CCL15: variants seen among roughly 807,000 people sequenced by gnomAD.
CCL15 encodes the protein C-C motif chemokine 15.
A neutral mutation model predicts 10.6 loss-of-function variants in CCL15; 8 were observed. That is an observed-to-expected ratio of 0.75 (90% confidence interval 0.44 to 1.36). The LOEUF is 1.36. CCL15 is among the 40% of genes most tolerant of loss of function. The probability of loss-of-function intolerance (pLI) is 0.00; values close to 1 mark genes in which losing one functional copy is unlikely to be tolerated. For missense variants in CCL15, 128 were observed against 136.6 expected (o/e 0.94, Z 0.32); for synonymous variants, 51 against 48.8 (o/e 1.04, Z -0.19).
At position 35,998,198 on chromosome 17, in the gene CCL15, G is replaced by C. The variant is rs930622397; in HGVS notation, c.248+82C>G. ...AGGATCCAGAGGGTGGAACCCGATG[G>C]ACGCCCATCCGTCGTGTCCTCCCTG... is the stretch of plus-strand genomic sequence containing the variant. On this transcript the variant is annotated intron_variant, in intron 3 of 3. Coordinates refer to ENST00000617897, the MANE Select transcript of CCL15 (RefSeq NM_032965.6). The C allele has an allele frequency of 4.6e-6, 4 of 875,516 alleles. No individual in the cohort carries two copies. In the South Asian group the frequency reaches 5.8e-5, roughly 13 times the overall value. 54.2% of individuals were successfully genotyped at this position (875,516 alleles called of 1,614,324 possible). A position where few individuals can be genotyped will look rare whatever the true frequency, so the allele number is the denominator to read the frequency against.
Position 35,997,724 on chromosome 17 carries a change from A to G in CCL15, c.*43T>C. 8.7e-7 allele frequency: 1 copy of G among 1,143,192 alleles called. No individual in the cohort carries two copies. The highest frequency in any genetic ancestry group is 1.3e-6 in the Non-Finnish European group (1 of 751,604). The allele number at this position is 1,143,192 out of a possible 1,614,324, so 70.8% of individuals were successfully genotyped here. A position where few individuals can be genotyped will look rare whatever the true frequency, so the allele number is the denominator to read the frequency against. ...TATTTCAGACCAAGAAACTCACAGG[A>G]GGTGTTGGAGGTGGGTGGCTGGCCT... On this transcript the variant is annotated 3_prime_UTR_variant, in exon 4 of 4. Coordinates refer to ENST00000617897, the MANE Select transcript of CCL15 (RefSeq NM_032965.6).
chr17:35,998,516 C>A (rs1175076617), intron 2 of CCL15, 125 bp from the exon 3 acceptor site: 2 of 739,670 alleles, frequency 2.7e-6, no homozygotes, highest in East Asian at 5.3e-5. Flanking sequence ...TGGCCTCTCC[C>A]TGCTTCAGAC....
intron 1 of CCL15, among the ~76,000 whole-genome samples, chr17:36,000,077 G>A (rs1461418472): frequency 1.3e-5 from 2 of 151,390 alleles, no homozygotes; most frequent in South Asian, 2.1e-4. Flanking sequence ...CGTGAACCGG[G>A]GAGGCGGAGC....
chr17:36,000,150 CAA>C (rs71157587), intron 1 of CCL15, among the ~76,000 whole-genome samples: 19 of 63,626 alleles, frequency 3.0e-4, no homozygotes, highest in Admixed American at 7.5e-4. Context: ...GACTCCATCT[CAA>C]AAAAAAAAAA....
intron 1 of CCL15, 127 bp downstream of exon 1, chr17:36,001,290 C>T: frequency 2.4e-6 from 3 of 1,257,474 alleles, no homozygotes; most frequent in Non-Finnish European, 3.4e-6. Context: ...AGGTCTATAC[C>T]CTGCTGGTGC....
chr17:36,001,370 G>T, intron 1 of CCL15, 47 bp downstream of exon 1: 1 of 1,611,600 alleles, frequency 6.2e-7, no homozygotes, highest in Non-Finnish European at 8.5e-7. Context: ...CCCAGAGCTT[G>T]AGTTACCATG....
Position 35,997,779 on chromosome 17 carries a change from G to C in CCL15, c.330C>G (p.Pro110=). The change falls in exon 4 of 4, where the codon CCC becomes CCG. Residue 110 remains proline, a synonymous_variant. Transcript: ENST00000617897. ...GVQDCMKKLK[P]YSI is the part of the protein sequence containing the mutation. ...TGTCTCTTTATTATTATATTGAGTA[G>C]GGCTTCAGCTTTTTCATGCAATCCT... 1 of 1,612,184 alleles carries C rather than the reference G, an allele frequency of 6.2e-7. No homozygotes were observed. Among genetic ancestry groups the C allele is most frequent in the East Asian group, 2.2e-5 (1 of 44,870 alleles).
At chr17:36,000,354 T>C (rs1197042131) in intron 1 of CCL15, among the ~76,000 whole-genome samples, 3 of 148,852 alleles carry the variant, frequency 2.0e-5, no homozygotes, top group Non-Finnish European at 3.0e-5. Flanking sequence ...TCCCAACTAC[T>C]CTGGAGGCTG....
intron 1 of CCL15, among the ~76,000 whole-genome samples, chr17:35,999,424 G>A (rs2142012816): frequency 6.6e-6 from 1 of 151,466 alleles, no homozygotes; most frequent in East Asian, 1.9e-4. Flanking sequence ...GTCTTCCTTG[G>A]CCCCACCAAG....
intron 3 of CCL15, 141 bp from the exon 4 acceptor site, chr17:35,998,001 T>C (rs1598745458): frequency 3.0e-6 from 2 of 672,104 alleles, no homozygotes; most frequent in East Asian, 5.4e-5. Flanking sequence ...TCAGGGACAG[T>C]GTCCTTTTGA....
In CCL15 at chr17:35,998,909, T is replaced by G. The variant is rs34284235; in HGVS notation, c.93A>C (p.Leu31Phe). The G allele has an allele frequency of 3.6e-4, 579 of 1,613,840 alleles. 2 individuals carry two copies. In the African/African-American group the frequency reaches 5.5e-3, roughly 15 times the overall value. The change falls in exon 2 of 4, where the codon TTA becomes TTC. Residue 31 changes from leucine (L) to phenylalanine (F), a missense_variant. Leu to Phe is a conservative substitution (Grantham distance 22). Coordinates refer to ENST00000617897, the MANE Select transcript of CCL15 (RefSeq NM_032965.6). ...AQFTNDAETE[L>F]MMSKLPLENP... is the part of the protein sequence containing the mutation. ...TTTCCAGTGGAAGCTTTGACATCAT[T>G]AACTCTGTCTCTGCATCTGAAAGAA...
chr17:35,999,370 T>G (rs2089961560), intron 1 of CCL15, among the ~76,000 whole-genome samples: 1 of 152,186 alleles, frequency 6.6e-6, no homozygotes, highest in African/African-American at 2.4e-5. Flanking sequence ...AGCAGAAATA[T>G]TCATGTGTTT....
At chr17:35,999,594 G>A (rs1360086077) in intron 1 of CCL15, among the ~76,000 whole-genome samples, 1 of 151,818 alleles carries the variant, frequency 6.6e-6, no homozygotes, top group African/African-American at 2.4e-5. Flanking sequence ...CTCCTGAGAA[G>A]CTGGAACTAC....
Position 35,997,674 on chromosome 17 carries a change from C to A in CCL15, c.*93G>T, listed in dbSNP as rs1486004657. 2.7e-6 allele frequency: 2 copies of A among 736,168 alleles called. No homozygotes were observed. 45.6% of individuals were successfully genotyped at this position (736,168 alleles called of 1,614,324 possible). On this transcript the variant is annotated 3_prime_UTR_variant, in exon 4 of 4. Transcript: ENST00000617897. ...TAGATGCATTACTTTCATTACCAGACACAACAATATATATATTTTTTAAGT... is the reference window on the plus strand; with the variant it reads ...TAGATGCATTACTTTCATTACCAGAAACAACAATATATATATTTTTTAAGT...
chr17:36,000,954 C>T (rs762125256), intron 1 of CCL15, among the ~76,000 whole-genome samples: 14 of 152,114 alleles, frequency 9.2e-5, no homozygotes, highest in South Asian at 2.1e-4. Context: ...GACCTCTTTG[C>T]GTTGACATTC....
chr17:35,998,804 C>T, intron 2 of CCL15, 62 bp downstream of exon 2: 1 of 1,234,056 alleles, frequency 8.1e-7, no homozygotes. Flanking sequence ...GACAATGGAT[C>T]CCATAGTGCA....
chr17:35,999,063 G>C (rs1007155066), intron 1 of CCL15, 138 bp from the exon 2 acceptor site: 1 of 703,908 alleles, frequency 1.4e-6, no homozygotes, highest in South Asian at 1.7e-5. Context: ...CTGGGTTCTA[G>C]GCCTGCCTCC....
intron 1 of CCL15, among the ~76,000 whole-genome samples, chr17:36,000,923 C>T (rs2089988102): frequency 1.3e-5 from 2 of 152,144 alleles, no homozygotes; most frequent in Non-Finnish European, 2.9e-5. Flanking sequence ...GTAAATAATA[C>T]ATTCTTTTTT....
At chr17:36,000,960 C>T (rs1009772206) in intron 1 of CCL15, among the ~76,000 whole-genome samples, 3 of 152,168 alleles carry the variant, frequency 2.0e-5, no homozygotes, top group Non-Finnish European at 4.4e-5. Context: ...TTTGCGTTGA[C>T]ATTCACCTCC....
Sources: gnomAD v4.1 joint callset for allele counts (sites outside exome capture counted in the v4.1 genomes callset) on GRCh38, gnomAD v4.1.1 for gene constraint, MANE v1.5 for transcripts, NCBI Gene and HGNC (gene_info 2026-07-23, HGNC 2026-07-21) for gene names.